UNC13C: variants seen among roughly 807,000 people sequenced by gnomAD.
UNC13C encodes the protein protein unc-13 homolog C.
A neutral mutation model predicts 245.4 loss-of-function variants in UNC13C; 174 were observed. That is an observed-to-expected ratio of 0.71 (90% CI 0.63 to 0.80). UNC13C has a LOEUF of 0.80. Among genes scored for constraint, UNC13C ranks in the 30% least tolerant of loss-of-function variants. The pLI, the probability that UNC13C is intolerant of heterozygous loss-of-function variation, is 0.00. For missense variants in UNC13C, 2,829 were observed against 2,602.9 expected (o/e 1.09, Z -1.89); for synonymous variants, 992 against 895.1 (o/e 1.11, Z -1.93).
the UNC13C span, among the ~76,000 whole-genome samples, chr15:53,901,157 A>C: frequency 4.6e-5 from 7 of 151,886 alleles, no homozygotes; most frequent in East Asian, 1.4e-3. Flanking sequence ...TTTTATAAAA[A>C]GAATTTCTCC....
intron 31 of UNC13C, among the ~76,000 whole-genome samples, chr15:54,623,250 G>A (rs988098975): frequency 6.6e-6 from 1 of 151,742 alleles, no homozygotes; most frequent in African/African-American, 2.4e-5. Flanking sequence ...ACAAGTGACT[G>A]GCTAAATATA....
At chr15:53,932,152 T>A in the UNC13C span, among the ~76,000 whole-genome samples, 1 of 151,828 alleles carries the variant, frequency 6.6e-6, no homozygotes, top group Non-Finnish European at 1.5e-5. Context: ...CTACTAAAAA[T>A]ACAAAAATTA....
chr15:54,005,324 C>T (rs1269572666), intron 1 of UNC13C, among the ~76,000 whole-genome samples: 1 of 152,124 alleles, frequency 6.6e-6, no homozygotes, highest in East Asian at 1.9e-4. Context: ...ATTGGTCCTC[C>T]TGGGCACAGT....
chr15:54,532,732 C>T (rs1895810791), intron 25 of UNC13C, among the ~76,000 whole-genome samples, 185 bp from the exon 26 acceptor site: 2 of 152,118 alleles, frequency 1.3e-5, no homozygotes, highest in Non-Finnish European at 2.9e-5. Flanking sequence ...ATCTGCCTTA[C>T]TTATAAGTAT....
At chr15:54,205,304 T>A (rs1483283489) in intron 4 of UNC13C, among the ~76,000 whole-genome samples, 2 of 152,052 alleles carry the variant, frequency 1.3e-5, no homozygotes, top group Non-Finnish European at 2.9e-5. Flanking sequence ...AACCACTGAT[T>A]TTCTAGTTTC....
chr15:54,083,791 A>T (rs982512240), intron 2 of UNC13C, among the ~76,000 whole-genome samples: 3 of 152,138 alleles, frequency 2.0e-5, no homozygotes, highest in Non-Finnish European at 4.4e-5. Flanking sequence ...TGAGGGGATT[A>T]TAAGGTATGT....
At chr15:53,907,377 T>C in the UNC13C span, among the ~76,000 whole-genome samples, 1 of 152,202 alleles carries the variant, frequency 6.6e-6, no homozygotes, top group Admixed American at 6.5e-5. Context: ...ATATATTTAA[T>C]TTTTGAAATA....
In UNC13C at chr15:54,567,804, A is replaced by C; in HGVS notation, c.5963A>C (p.Tyr1988Ser). 6.3e-7 allele frequency: 1 copy of C among 1,591,116 alleles called. No individual in the cohort carries two copies. The highest frequency in any genetic ancestry group is 2.2e-5 in the East Asian group (1 of 44,504). Reference sequence around the variant, plus strand: ...CTTATTTTTTTTTCTTTGTAGCAATACTTTCATGCAGGAGGAAATGGCCTG... The same window carrying C: ...CTTATTTTTTTTTCTTTGTAGCAATCCTTTCATGCAGGAGGAAATGGCCTG... ...MEVVLATIKQ[Y>S]FHAGGNGLKK... Residue 1988 changes from tyrosine (Y) to serine (S), a missense_variant, in exon 30 of 33, where the codon TAC becomes TCC. Physicochemically the swap from Tyr to Ser is moderately radical, Grantham distance 144 (BLOSUM62 -2). Transcript: ENST00000260323.
At chr15:53,915,963 A>T in the UNC13C span, among the ~76,000 whole-genome samples, 1 of 152,216 alleles carries the variant, frequency 6.6e-6, no homozygotes, top group Non-Finnish European at 1.5e-5. Context: ...AAATAAATGC[A>T]TTACTTAGGG....
the UNC13C span, among the ~76,000 whole-genome samples, chr15:53,967,491 C>A: frequency 6.6e-6 from 1 of 152,030 alleles, no homozygotes; most frequent in East Asian, 1.9e-4. Flanking sequence ...TCTTCTATTT[C>A]CTCTCATACA....
At chr15:53,855,339 G>A in the UNC13C span, among the ~76,000 whole-genome samples, 2 of 152,152 alleles carry the variant, frequency 1.3e-5, no homozygotes. Flanking sequence ...ATGTTGAGTA[G>A]GAGTGGTTAG....
chr15:54,275,654 A>G (rs763608317), intron 10 of UNC13C, among the ~76,000 whole-genome samples: 1 of 152,128 alleles, frequency 6.6e-6, no homozygotes, highest in African/African-American at 2.4e-5. Flanking sequence ...TGTCTCCTCT[A>G]TACCTTTATC....
intron 14 of UNC13C, among the ~76,000 whole-genome samples, chr15:54,330,675 A>C (rs1021547693): frequency 1.3e-5 from 2 of 152,036 alleles, no homozygotes; most frequent in African/African-American, 4.8e-5. Flanking sequence ...CTCCTTTTCT[A>C]TCTGGATTGA....
chr15:54,577,415 A>G (rs552979223), intron 30 of UNC13C, among the ~76,000 whole-genome samples: 35 of 152,290 alleles, frequency 2.3e-4, no homozygotes, highest in African/African-American at 8.4e-4. Context: ...TATGCCAAAT[A>G]TCTCCATTTG....
chr15:53,918,036 G>A, the UNC13C span, among the ~76,000 whole-genome samples: 1 of 152,196 alleles, frequency 6.6e-6, no homozygotes, highest in South Asian at 2.1e-4. Context: ...GAAGTTGATT[G>A]AGAATGCTTG....
At chr15:54,029,829 A>G (rs17732075) in intron 2 of UNC13C, among the ~76,000 whole-genome samples, 65,052 of 151,920 alleles carry the variant, frequency 0.43, 14,952 homozygotes, top group East Asian at 0.53. Context: ...GCTCCGGTGG[A>G]CCAGAGCATA....
chr15:54,303,741 C>T (rs1367724772), intron 13 of UNC13C, among the ~76,000 whole-genome samples: 1 of 151,262 alleles, frequency 6.6e-6, no homozygotes, highest in African/African-American at 2.4e-5. Flanking sequence ...GGTCGGGGCA[C>T]AGCTTGGTTT....
chr15:54,324,085 GC>G (rs2038233369), intron 14 of UNC13C, among the ~76,000 whole-genome samples: 1 of 151,956 alleles, frequency 6.6e-6, no homozygotes, highest in African/African-American at 2.4e-5. Flanking sequence ...ATAGAATAGG[GC>G]CAAAAGAAAG....
At chr15:54,310,793 C>G (rs1419725900) in intron 13 of UNC13C, among the ~76,000 whole-genome samples, 1 of 149,798 alleles carries the variant, frequency 6.7e-6, no homozygotes, top group African/African-American at 2.5e-5. Flanking sequence ...TATGTACATA[C>G]ACACACACAC....
Sources: gnomAD v4.1 joint callset for allele counts (sites outside exome capture counted in the v4.1 genomes callset) on GRCh38, gnomAD v4.1.1 for gene constraint, MANE v1.5 for transcripts, NCBI Gene and HGNC (gene_info 2026-07-23, HGNC 2026-07-21) for gene names.